ARF4: variants seen among roughly 807,000 people sequenced by gnomAD.
ARF4 encodes ADP-ribosylation factor 4.
ARF4 carries 5 observed loss-of-function variants against 24.3 expected under a neutral mutation model. That is an observed-to-expected ratio of 0.21 (90% CI 0.11 to 0.43). The LOEUF (loss-of-function observed/expected upper bound fraction) is 0.43, where lower values mean the gene tolerates loss of function less well. Among genes scored for constraint, ARF4 ranks in the 20% least tolerant of loss-of-function variants. The pLI, the probability that ARF4 is intolerant of heterozygous loss-of-function variation, is 1.00. For synonymous variants in ARF4, 62 were observed against 73.5 expected (o/e 0.84, Z 0.80); for missense variants, 107 against 213.0 (o/e 0.50, Z 3.10).
At chr3:57,594,415 G>T (rs1021238682) in intron 1 of ARF4, among the ~76,000 whole-genome samples, 8 of 152,156 alleles carry the variant, frequency 5.3e-5, no homozygotes, top group African/African-American at 1.9e-4. Context: ...AACTCGAGCA[G>T]TATGGGCAAT....
chr3:57,574,381 A>G (rs1356812609), intron 5 of ARF4, among the ~76,000 whole-genome samples: 1 of 151,556 alleles, frequency 6.6e-6, no homozygotes, highest in Non-Finnish European at 1.5e-5. Flanking sequence ...TCACTGATCA[A>G]TGATAAGCAA....
At chr3:57,590,137 C>T (rs1276709306) in intron 1 of ARF4, among the ~76,000 whole-genome samples, 2 of 116,948 alleles carry the variant, frequency 1.7e-5, no homozygotes, top group African/African-American at 2.9e-5. Flanking sequence ...ATAAATAAAA[C>T]AAAAAACAAA....
chr3:57,578,229 G>T (rs1427795671), intron 3 of ARF4, among the ~76,000 whole-genome samples: 1 of 151,870 alleles, frequency 6.6e-6, no homozygotes, highest in Non-Finnish European at 1.5e-5. Flanking sequence ...GCCAACTCTA[G>T]ATCAGGAAGA....
chr3:57,582,469 C>T (rs1031079715), intron 3 of ARF4, among the ~76,000 whole-genome samples: 1 of 152,064 alleles, frequency 6.6e-6, no homozygotes, highest in African/African-American at 2.4e-5. Flanking sequence ...TCTTGAACTC[C>T]TGACCTCGTG....
chr3:57,576,838 C>T (rs1490411578), intron 4 of ARF4, among the ~76,000 whole-genome samples: 1 of 152,026 alleles, frequency 6.6e-6, no homozygotes, highest in Non-Finnish European at 1.5e-5. Flanking sequence ...ATTCCTTATC[C>T]TTAAATGGTT....
intron 1 of ARF4, among the ~76,000 whole-genome samples, chr3:57,589,573 C>A (rs1411870380): frequency 1.3e-5 from 2 of 150,890 alleles, no homozygotes; most frequent in African/African-American, 4.9e-5. Flanking sequence ...CAAAAATTAG[C>A]TAGGCGTGGT....
At chr3:57,587,946 C>T (rs548450147) in intron 1 of ARF4, among the ~76,000 whole-genome samples, 1 of 152,182 alleles carries the variant, frequency 6.6e-6, no homozygotes, top group South Asian at 2.1e-4. Flanking sequence ...CTTTAATGCA[C>T]GAATTAAACA....
chr3:57,586,496 A>C (rs1362604895), intron 1 of ARF4, among the ~76,000 whole-genome samples: 1 of 152,168 alleles, frequency 6.6e-6, no homozygotes, highest in Non-Finnish European at 1.5e-5. Context: ...TACCCTACCA[A>C]GAATAACTTT....
chr3:57,594,629 G>C (rs1021250059), intron 1 of ARF4, among the ~76,000 whole-genome samples: 3 of 152,126 alleles, frequency 2.0e-5, no homozygotes, highest in African/African-American at 7.2e-5. Flanking sequence ...ATAGTAGTTT[G>C]GCAAACCTGA....
chr3:57,591,125 G>C (rs1339893791), intron 1 of ARF4, among the ~76,000 whole-genome samples: 1 of 152,102 alleles, frequency 6.6e-6, no homozygotes, highest in Non-Finnish European at 1.5e-5. Context: ...TTGCTAGTGG[G>C]GATGTAAACG....
chr3:57,581,490 C>G (rs9879871), intron 3 of ARF4, among the ~76,000 whole-genome samples: 113,832 of 152,160 alleles, frequency 0.75, 44,675 homozygotes, highest in East Asian at 1. Flanking sequence ...CAAGGTTTTA[C>G]TTCATATCTA....
intron 1 of ARF4, among the ~76,000 whole-genome samples, chr3:57,593,320 G>A (rs2070136899): frequency 6.6e-6 from 1 of 152,052 alleles, no homozygotes; most frequent in African/African-American, 2.4e-5. Flanking sequence ...GTAACAGAAG[G>A]AACACATACT....
At chr3:57,589,621 G>C (rs537656030) in intron 1 of ARF4, among the ~76,000 whole-genome samples, 1 of 151,936 alleles carries the variant, frequency 6.6e-6, no homozygotes, top group South Asian at 2.1e-4. Flanking sequence ...GGGAGGCTGA[G>C]GCAGGAGAAT....
intron 1 of ARF4, among the ~76,000 whole-genome samples, chr3:57,589,548 T>A (rs535658751): frequency 6.6e-6 from 1 of 150,534 alleles, no homozygotes; most frequent in Non-Finnish European, 1.5e-5. Context: ...TGAAACCCAG[T>A]CTCTACTAAA....
chr3:57,595,982 C>A (rs967609615), intron 1 of ARF4, among the ~76,000 whole-genome samples: 4 of 151,436 alleles, frequency 2.6e-5, no homozygotes, highest in African/African-American at 7.3e-5. Flanking sequence ...AAAAATAAAA[C>A]CTCCTCCGGT....
At chr3:57,572,399 T>G (rs1018374949) in intron 5 of ARF4, 101 bp from the exon 6 acceptor site, 2 of 845,776 alleles carry the variant, frequency 2.4e-6, no homozygotes, top group African/African-American at 3.4e-5. Flanking sequence ...TCACACCTCT[T>G]GCATCTCACA....
chr3:57,582,399 C>A (rs1331476851), intron 3 of ARF4, among the ~76,000 whole-genome samples: 1 of 150,600 alleles, frequency 6.6e-6, no homozygotes, highest in African/African-American at 2.4e-5. Flanking sequence ...CGCGCCACCA[C>A]GCCCGGCTAA....
chr3:57,584,564 C>T, intron 1 of ARF4, 100 bp from the exon 2 acceptor site: 2 of 990,868 alleles, frequency 2.0e-6, no homozygotes, highest in Non-Finnish European at 1.5e-6. Flanking sequence ...GTTGACTGTT[C>T]AAGACAACTT....
chr3:57,572,307 A>G lies in ARF4; in HGVS notation c.457-9T>C, dbSNP rs771154222. 1 of 1,598,808 alleles carries G rather than the reference A, an allele frequency of 6.3e-7. No homozygotes were observed. The highest frequency in any genetic ancestry group is 8.6e-7 in the Non-Finnish European group (1 of 1,167,578). The stretch of plus-strand genomic sequence containing the variant: ...GTGGCTTGAACATACCACTGTAAAG[A>G]GAAGACAAGAAAATACTTGATTAAC... On this transcript the variant is annotated splice_polypyrimidine_tract_variant and intron_variant, in intron 5 of 5. Transcript: ENST00000303436.
Sources: allele counts gnomAD v4.1 joint callset (sites outside exome capture counted in the v4.1 genomes callset), GRCh38; gene constraint gnomAD v4.1.1; transcripts MANE v1.5; gene names NCBI Gene and HGNC (gene_info 2026-07-23, HGNC 2026-07-21).